The following PDE4B variants were observed in gnomAD, a reference collection of about 807,000 sequenced individuals.
PDE4B encodes the protein phosphodiesterase 4B, also known as 3',5'-cyclic-AMP phosphodiesterase 4B.
Under a neutral mutation model 82.2 loss-of-function variants are expected in PDE4B, and 20 were observed. The observed-to-expected ratio is 0.24, with a 90% CI of 0.17 to 0.35. The LOEUF (loss-of-function observed/expected upper bound fraction) is 0.35, where lower values mean the gene tolerates loss of function less well. PDE4B is among the 10% of genes least tolerant of loss of function. PDE4B has a pLI of 1.00. For missense variants in PDE4B, 655 were observed against 907.2 expected, an observed-to-expected ratio of 0.72 and a Z score of 3.57; for synonymous variants, 320 against 318.9, an observed-to-expected ratio of 1.00 and a Z score of -0.04.
chr1:66,106,187 A>T (rs1164882763), intron 3 of PDE4B, among the ~76,000 whole-genome samples: 1 of 152,154 alleles, frequency 6.6e-6, no homozygotes, highest in South Asian at 2.1e-4. Flanking sequence ...TTCTGCATCT[A>T]TTGAGATAAT....
intron 8 of PDE4B, among the ~76,000 whole-genome samples, chr1:66,334,135 G>T (rs557999163): frequency 6.6e-6 from 1 of 152,274 alleles, no homozygotes; most frequent in South Asian, 2.1e-4. Context: ...GTAATTGACG[G>T]CTATGCAAGA....
intron 7 of PDE4B, among the ~76,000 whole-genome samples, chr1:66,308,295 T>TCAAAATGCTG (rs1159266149): frequency 6.6e-6 from 1 of 152,170 alleles, no homozygotes; most frequent in African/African-American, 2.4e-5. Context: ...TGGTTATAGA[T>TCAAAATGCTG]GTCAAGGTGC....
At chr1:66,351,238 G>C (rs1188877369) in intron 8 of PDE4B, among the ~76,000 whole-genome samples, 1 of 152,180 alleles carries the variant, frequency 6.6e-6, no homozygotes, top group African/African-American at 2.4e-5. Flanking sequence ...GCTGTAACAG[G>C]GTTTTCCTGT....
intron 1 of PDE4B, among the ~76,000 whole-genome samples, chr1:65,837,834 A>G (rs1646159034): frequency 6.6e-6 from 1 of 152,258 alleles, no homozygotes; most frequent in Middle Eastern, 3.4e-3. Flanking sequence ...TCTGTTGTAC[A>G]GATTATTTCA....
intron 3 of PDE4B, among the ~76,000 whole-genome samples, chr1:65,925,058 C>T (rs1322079073): frequency 6.6e-6 from 1 of 152,180 alleles, no homozygotes; most frequent in Non-Finnish European, 1.5e-5. Flanking sequence ...CTGTATATTG[C>T]ACTGCAGATA....
chr1:66,012,953 T>C (rs1569973370), intron 3 of PDE4B, among the ~76,000 whole-genome samples: 1 of 152,198 alleles, frequency 6.6e-6, no homozygotes, highest in African/African-American at 2.4e-5. Flanking sequence ...GTACTATTAG[T>C]ATCCCCATCC....
intron 3 of PDE4B, among the ~76,000 whole-genome samples, chr1:66,240,994 G>T (rs546905904): frequency 6.6e-6 from 1 of 152,316 alleles, no homozygotes; most frequent in East Asian, 1.9e-4. Context: ...TGCTACCTCT[G>T]GTTGAGCCTT....
intron 3 of PDE4B, among the ~76,000 whole-genome samples, chr1:66,016,003 T>C (rs560888750): frequency 7.9e-5 from 12 of 152,340 alleles, no homozygotes; most frequent in African/African-American, 2.6e-4. Flanking sequence ...AAAATGCTTA[T>C]GTTTAGGAGC....
At chr1:65,999,574 T>C (rs1483210994) in intron 3 of PDE4B, among the ~76,000 whole-genome samples, 1 of 152,238 alleles carries the variant, frequency 6.6e-6, no homozygotes, top group Non-Finnish European at 1.5e-5. Flanking sequence ...AGGCCTTTGC[T>C]GACCTCCCTA....
intron 1 of PDE4B, among the ~76,000 whole-genome samples, chr1:65,798,188 T>A (rs988929106): frequency 1.3e-4 from 19 of 149,700 alleles, no homozygotes; most frequent in African/African-American, 4.5e-4. Context: ...TGGCTAATTT[T>A]TGTATTTTTT....
At chr1:66,185,100 T>C (rs1355354345) in intron 3 of PDE4B, among the ~76,000 whole-genome samples, 2 of 152,172 alleles carry the variant, frequency 1.3e-5, no homozygotes, top group Admixed American at 1.3e-4. Context: ...TTTGGTTTTT[T>C]TGTCCTTGCG....
At chr1:66,091,906 G>T (rs10159054) in intron 3 of PDE4B, among the ~76,000 whole-genome samples, 33 of 152,024 alleles carry the variant, frequency 2.2e-4, no homozygotes, top group African/African-American at 8.0e-4. Context: ...CTGGGTAACT[G>T]TAATCTTTGG....
chr1:65,873,398 A>G (rs540162844), intron 1 of PDE4B, among the ~76,000 whole-genome samples: 2 of 152,178 alleles, frequency 1.3e-5, no homozygotes, highest in South Asian at 2.1e-4. Flanking sequence ...TGTGGTAGGG[A>G]TCACTGAATA....
chr1:66,296,359 C>G (rs929148808), intron 7 of PDE4B, among the ~76,000 whole-genome samples: 1 of 152,110 alleles, frequency 6.6e-6, no homozygotes, highest in African/African-American at 2.4e-5. Context: ...TTACGATAAA[C>G]AAGAAAGCAT....
At chr1:66,182,525 G>A (rs573865978) in intron 3 of PDE4B, among the ~76,000 whole-genome samples, 2 of 151,566 alleles carry the variant, frequency 1.3e-5, no homozygotes, top group Non-Finnish European at 2.9e-5. Context: ...GGAAAAAGCT[G>A]AAGAGATAAT....
At chr1:66,277,958 A>G (rs1010350889) in intron 7 of PDE4B, among the ~76,000 whole-genome samples, 4 of 152,232 alleles carry the variant, frequency 2.6e-5, no homozygotes, top group African/African-American at 9.6e-5. Context: ...AATGGGGATA[A>G]TAATAGAACC....
intron 1 of PDE4B, among the ~76,000 whole-genome samples, chr1:65,802,372 G>A (rs1379634868): frequency 2.6e-5 from 4 of 152,166 alleles, no homozygotes; most frequent in African/African-American, 9.7e-5. Context: ...GCAGGTAGAG[G>A]TGGCCAGGCA....
At chr1:66,226,404 G>A (rs1341019710) in intron 3 of PDE4B, among the ~76,000 whole-genome samples, 1 of 152,176 alleles carries the variant, frequency 6.6e-6, no homozygotes, top group Non-Finnish European at 1.5e-5. Context: ...AATGAGAAAT[G>A]CAATTAAGTT....
At chr1:66,207,892 G>A (rs1166369348) in intron 3 of PDE4B, among the ~76,000 whole-genome samples, 3 of 152,164 alleles carry the variant, frequency 2.0e-5, no homozygotes, top group Non-Finnish European at 4.4e-5. Flanking sequence ...AGAAAGAACC[G>A]TAAGGTTTGA....
Sources: gnomAD v4.1 joint callset for allele counts (sites outside exome capture counted in the v4.1 genomes callset) on GRCh38, gnomAD v4.1.1 for gene constraint, MANE v1.5 for transcripts, NCBI Gene and HGNC (gene_info 2026-07-23, HGNC 2026-07-21) for gene names.